The following RAD54B variants were observed in gnomAD, a reference collection of about 807,000 sequenced individuals.
RAD54B encodes the protein RAD54 homolog B, also known as DNA repair and recombination protein RAD54B.
In RAD54B, 78 loss-of-function variants were observed where a neutral mutation model predicts 95.8. The ratio of observed to expected loss-of-function variants is 0.81; its 90% CI spans 0.68 to 0.98. The LOEUF is 0.98. Among genes scored for constraint, RAD54B ranks in the 50% least tolerant of loss-of-function variants. The pLI, the probability that RAD54B is intolerant of heterozygous loss-of-function variation, is 0.00. For synonymous variants in RAD54B, 328 were observed against 354.9 expected, an observed-to-expected ratio of 0.92 and a Z score of 0.85; for missense variants, 957 against 1,056.6, an observed-to-expected ratio of 0.91 and a Z score of 1.31.
intron 3 of RAD54B, among the ~76,000 whole-genome samples, chr8:94,451,727 G>A (rs1811924775): frequency 6.6e-6 from 1 of 152,006 alleles, no homozygotes; most frequent in African/African-American, 2.4e-5. Context: ...AAACTGATAA[G>A]CATTCAACAA....
intron 5 of RAD54B, among the ~76,000 whole-genome samples, chr8:94,406,927 G>A (rs2246066): frequency 0.48 from 72,581 of 151,702 alleles, 18,531 homozygotes; most frequent in Non-Finnish European, 0.59. Flanking sequence ...TTTTTTTAAT[G>A]TGATTTTTAA....
At chr8:94,428,964 G>T in intron 3 of RAD54B, 1 of 982,680 alleles carries the variant, frequency 1.0e-6, no homozygotes, top group Non-Finnish European at 1.2e-6. Flanking sequence ...TCTTTATACA[G>T]GAATTCTCAT....
chr8:94,391,003 T>C (rs1811004734), intron 10 of RAD54B, among the ~76,000 whole-genome samples: 1 of 152,182 alleles, frequency 6.6e-6, no homozygotes, highest in South Asian at 2.1e-4. Context: ...TGTGATGTCA[T>C]GTTGGCACTC....
chr8:94,375,802 A>C (rs1382345385), intron 14 of RAD54B, among the ~76,000 whole-genome samples: 2 of 152,162 alleles, frequency 1.3e-5, no homozygotes, highest in African/African-American at 4.8e-5. Context: ...GCAAGAATAT[A>C]TATCTAGAGT....
chr8:94,388,266 A>G (rs1245206102), intron 10 of RAD54B, among the ~76,000 whole-genome samples: 1 of 152,212 alleles, frequency 6.6e-6, no homozygotes, highest in Non-Finnish European at 1.5e-5. Context: ...AGCCTACTCA[A>G]TGTGAAGAGC....
intron 3 of RAD54B, among the ~76,000 whole-genome samples, chr8:94,450,149 AG>A (rs1812620275): frequency 6.6e-6 from 1 of 152,218 alleles, no homozygotes; most frequent in African/African-American, 2.4e-5. Context: ...ATGGGGAAAA[AG>A]ATATAGTGGC....
At chr8:94,428,937 G>A in intron 3 of RAD54B, 2 of 983,534 alleles carry the variant, frequency 2.0e-6, no homozygotes, top group Non-Finnish European at 2.4e-6. Context: ...AGGATTCTAT[G>A]GTCAAATAAA....
At position 94,411,277 on chromosome 8, in the gene RAD54B, G is replaced by A; in HGVS notation, c.343C>T (p.Gln115Ter). 1.9e-6 allele frequency: 3 copies of A among 1,604,254 alleles called. No homozygotes were observed. The highest frequency in any genetic ancestry group is 2.5e-6 in the Non-Finnish European group (3 of 1,177,538). ...APKEVAVSKE[Q>*]EEKSDSLVKY... Reference sequence around the variant, plus strand: ...ACTAGGCTATCAGATTTCTCTTCTTGTTCCTTGGACACTGCTACTTCTTTA... The same window carrying A: ...ACTAGGCTATCAGATTTCTCTTCTTATTCCTTGGACACTGCTACTTCTTTA... The change falls in exon 4 of 15, where the codon CAA becomes TAA. Residue 115 changes from glutamine to a stop codon, truncating the protein, a stop_gained. Coordinates refer to ENST00000336148, the MANE Select transcript of RAD54B (RefSeq NM_012415.3). LOFTEE classifies it high-confidence loss of function.
chr8:94,436,692 G>C, intron 3 of RAD54B: 1 of 1,550,632 alleles, frequency 6.4e-7, no homozygotes, highest in South Asian at 1.2e-5. Flanking sequence ...GAGGAGGGCG[G>C]TCTACTCCAA....
At chr8:94,438,551 A>G (rs941590344) in intron 3 of RAD54B, among the ~76,000 whole-genome samples, 3 of 152,228 alleles carry the variant, frequency 2.0e-5, no homozygotes, top group Non-Finnish European at 2.9e-5. Context: ...AGAGAACCAA[A>G]GAAAGAACAT....
intron 3 of RAD54B, chr8:94,429,148 T>C: frequency 1.0e-6 from 1 of 974,286 alleles, no homozygotes; most frequent in Non-Finnish European, 1.2e-6. Context: ...TGTTTAAAAA[T>C]ATGTAAAAAT....
At chr8:94,442,409 A>G (rs1812419561) in intron 3 of RAD54B, among the ~76,000 whole-genome samples, 1 of 152,098 alleles carries the variant, frequency 6.6e-6, no homozygotes, top group Admixed American at 6.5e-5. Flanking sequence ...CGTCTCTACT[A>G]CTAAAAATAC....
chr8:94,397,998 A>T lies in RAD54B; in HGVS notation c.1378+1416T>A, dbSNP rs561721135. Among the ~76,000 whole-genome samples, 78 of 152,218 alleles carry T rather than the reference A, an allele frequency of 5.1e-4. 1 individual carries two copies. Among genetic ancestry groups the T allele is most frequent in the African/African-American group, 1.9e-3 (77 of 41,544 alleles). On this transcript the variant is annotated intron_variant, in intron 8 of 14. Coordinates refer to ENST00000336148, the MANE Select transcript of RAD54B (RefSeq NM_012415.3). ...TATAACGAATCCACTCAGCTTCTCA[A>T]ACAGCCAAAGATATGAAAATCATTC...
At chr8:94,393,194 A>G (rs1246229794) in intron 9 of RAD54B, among the ~76,000 whole-genome samples, 1 of 152,126 alleles carries the variant, frequency 6.6e-6, no homozygotes, top group African/African-American at 2.4e-5. Context: ...GCCACAAGAT[A>G]TACACAATTT....
chr8:94,465,522 C>T (rs533736199), intron 2 of RAD54B, among the ~76,000 whole-genome samples: 4 of 152,200 alleles, frequency 2.6e-5, no homozygotes, highest in African/African-American at 9.6e-5. Context: ...AACAAGTGTT[C>T]CTGAGGATGT....
chr8:94,421,877 T>C (rs779207452), intron 3 of RAD54B, among the ~76,000 whole-genome samples: 1 of 152,350 alleles, frequency 6.6e-6, no homozygotes, highest in South Asian at 2.1e-4. Flanking sequence ...CTCTATTCTC[T>C]AAAACCGTTT....
At chr8:94,417,412 C>T (rs1194962947) in intron 3 of RAD54B, among the ~76,000 whole-genome samples, 2 of 150,882 alleles carry the variant, frequency 1.3e-5, no homozygotes, top group Non-Finnish European at 2.9e-5. Context: ...AATTGTATCT[C>T]AATAAAGCTG....
At chr8:94,409,014 C>A (rs77470556) in intron 4 of RAD54B, among the ~76,000 whole-genome samples, 1 of 149,382 alleles carries the variant, frequency 6.7e-6, no homozygotes, top group African/African-American at 2.5e-5. Flanking sequence ...TTTTTTTTTC[C>A]TAGGTATTAT....
intron 14 of RAD54B, 89 bp from the exon 15 acceptor site, chr8:94,372,476 T>A: frequency 6.6e-7 from 1 of 1,524,830 alleles, no homozygotes; most frequent in Non-Finnish European, 8.7e-7. Context: ...AATTAGTTTA[T>A]GTGATTTATT....
Sources: gnomAD v4.1 joint callset for allele counts (sites outside exome capture counted in the v4.1 genomes callset) on GRCh38, gnomAD v4.1.1 for gene constraint, MANE v1.5 for transcripts, NCBI Gene and HGNC (gene_info 2026-07-23, HGNC 2026-07-21) for gene names.